Variants in SHOC1 observed in about 807,000 individuals in gnomAD.
SHOC1 encodes protein shortage in chiasmata 1 ortholog.
In SHOC1, 136 loss-of-function variants were observed where a neutral mutation model predicts 179.2. The observed-to-expected ratio is 0.76, with a 90% CI of 0.66 to 0.87. The LOEUF (loss-of-function observed/expected upper bound fraction) is 0.87. Among genes scored for constraint, SHOC1 ranks in the 40% least tolerant of loss-of-function variants. The probability of loss-of-function intolerance (pLI) is 0.00; values close to 1 mark genes in which losing one functional copy is unlikely to be tolerated. For synonymous variants in SHOC1, 489 were observed against 586.6 expected (o/e 0.83, Z 2.41); for missense variants, 1,538 against 1,700.8 (o/e 0.90, Z 1.68).
At position 111,700,049 on chromosome 9, in the gene SHOC1, TA is replaced by T; in HGVS notation, c.3090-3del. 7.1e-7 allele frequency: 1 copy of T among 1,414,296 alleles called. No individual in the cohort carries two copies. The highest frequency in any genetic ancestry group is 9.9e-7 in the Non-Finnish European group (1 of 1,009,428). 87.6% of individuals were successfully genotyped at this position (1,414,296 alleles called of 1,614,324 possible). A position where few individuals can be genotyped will look rare whatever the true frequency, so the allele number is the denominator to read the frequency against. On this transcript the variant is annotated splice_polypyrimidine_tract_variant and splice_region_variant and intron_variant, in intron 23 of 27. Transcript: ENST00000682961. ...AGTGTCTTTTCTGTAAGCAGATACC[TA>T]CAAAGAATTATATTACTATATTTCT...
intron 3 of SHOC1, 182 bp from the exon 4 acceptor site, chr9:111,781,199 C>G: frequency 1.8e-6 from 1 of 565,458 alleles, no homozygotes. Context: ...AACCTACCCC[C>G]GCCCCTCAAT....
intron 24 of SHOC1, among the ~76,000 whole-genome samples, chr9:111,695,424 G>A (rs906351714): frequency 6.6e-6 from 1 of 151,936 alleles, no homozygotes; most frequent in Non-Finnish European, 1.5e-5. Flanking sequence ...AATTCCAAAT[G>A]TACTTTATTG....
In SHOC1 at chr9:111,694,307, T is replaced by C. The variant is rs781156330; in HGVS notation, c.3239A>G (p.Asp1080Gly). 11 of 1,611,850 alleles carry C rather than the reference T, an allele frequency of 6.8e-6. No homozygotes were observed. The South Asian group carries it at 1.2e-4, about 18-fold the overall frequency. ...ATALIIRQIADHSLMTSKRDP... is the reference protein window; with the variant it reads ...ATALIIRQIAGHSLMTSKRDP... Reference sequence around the variant, plus strand: ...TCTCTTTGAGGTCATTAAACTGTGGTCAGCAATTTGTCGAATTATCAAGGC... The same window carrying C: ...TCTCTTTGAGGTCATTAAACTGTGGCCAGCAATTTGTCGAATTATCAAGGC... Residue 1080 changes from aspartate to glycine, a missense_variant, in exon 25 of 28, where the codon GAC (aspartate) becomes GGC (glycine). Coordinates refer to ENST00000682961, the MANE Select transcript of SHOC1 (RefSeq NM_001378211.1).
intron 12 of SHOC1, among the ~76,000 whole-genome samples, chr9:111,735,873 G>A (rs569538973): frequency 1.1e-3 from 167 of 152,186 alleles, no homozygotes; most frequent in African/African-American, 3.8e-3. Flanking sequence ...TTTAATGATC[G>A]CCATTCTAAC....
At chr9:111,750,326 GTCT>G (rs932375565) in intron 8 of SHOC1, among the ~76,000 whole-genome samples, 5 of 151,672 alleles carry the variant, frequency 3.3e-5, no homozygotes, top group Non-Finnish European at 7.4e-5. Context: ...CTGCATGTAC[GTCT>G]TCTTCTTTTT....
rs1834900163 is a variant in SHOC1 at position 111,757,144 on chromosome 9, G to A, written c.709-666C>T. The stretch of plus-strand genomic sequence containing the variant: ...TGTTTTTGAGATGGAGTCTCGCTCT[G>A]TCACCCAGGCTGGAGTGCAGTGGTG... On this transcript the variant is annotated intron_variant, in intron 7 of 27. Coordinates refer to ENST00000682961, the MANE Select transcript of SHOC1 (RefSeq NM_001378211.1). Among the ~76,000 whole-genome samples, 3 of 152,170 alleles carry A rather than the reference G, an allele frequency of 2.0e-5. 1 individual carries two copies. In the South Asian group the frequency reaches 6.2e-4, roughly 32 times the overall value.
chr9:111,754,876 T>C (rs1213141534), intron 8 of SHOC1, among the ~76,000 whole-genome samples: 2 of 152,234 alleles, frequency 1.3e-5, no homozygotes, highest in East Asian at 3.8e-4. Flanking sequence ...TCCTTTTTTA[T>C]TGAATGTTCA....
At chr9:111,703,202 T>A (rs1832066178) in intron 22 of SHOC1, among the ~76,000 whole-genome samples, 1 of 152,214 alleles carries the variant, frequency 6.6e-6, no homozygotes, top group Admixed American at 6.5e-5. Flanking sequence ...CTTAAAAATC[T>A]CTAATAGAGT....
At chr9:111,769,975 G>GTTTTTTTTTTTTTTTTTTTTTTTTTTTTT in intron 5 of SHOC1, among the ~76,000 whole-genome samples, 14 of 87,804 alleles carry the variant, frequency 1.6e-4, no homozygotes, top group Non-Finnish European at 2.0e-4. Context: ...TTTATCTTCT[G>GTTTTTTTTTTTTTTTTTTTTTTTTTTTTT]TTTTTTTTTT....
intron 18 of SHOC1, among the ~76,000 whole-genome samples, chr9:111,709,311 C>T (rs1441786587): frequency 6.6e-6 from 1 of 152,180 alleles, no homozygotes; most frequent in Non-Finnish European, 1.5e-5. Context: ...CATTGCACTC[C>T]AGCCTGGGCA....
At chr9:111,783,243 C>T (rs941217710) in intron 3 of SHOC1, 5 of 152,156 alleles carry the variant, frequency 3.3e-5, no homozygotes, top group Non-Finnish European at 1.5e-5. Flanking sequence ...CAAATTCACT[C>T]TCTCACTTTC....
intron 27 of SHOC1, among the ~76,000 whole-genome samples, chr9:111,688,036 G>C (rs567555586): frequency 6.6e-6 from 1 of 152,240 alleles, no homozygotes; most frequent in East Asian, 1.9e-4. Flanking sequence ...TATTAATGAC[G>C]ACAGGACCTT....
chr9:111,775,640 G>A, intron 5 of SHOC1, 151 bp downstream of exon 5: 2 of 561,254 alleles, frequency 3.6e-6, no homozygotes, highest in Non-Finnish European at 5.9e-6. Context: ...TATGAATGAG[G>A]AAATACTGCC....
At chr9:111,765,279 G>T (rs1489186196) in intron 5 of SHOC1, among the ~76,000 whole-genome samples, 1 of 151,914 alleles carries the variant, frequency 6.6e-6, no homozygotes, top group African/African-American at 2.4e-5. Flanking sequence ...AGATAACAAA[G>T]AATTATACCA....
chr9:111,769,126 C>T (rs1171652123), intron 5 of SHOC1, among the ~76,000 whole-genome samples: 4 of 152,080 alleles, frequency 2.6e-5, no homozygotes, highest in Non-Finnish European at 5.9e-5. Flanking sequence ...GGTGAATGAT[C>T]TTTTTTATGT....
intron 5 of SHOC1, among the ~76,000 whole-genome samples, chr9:111,769,862 A>G (rs1835494064): frequency 6.6e-6 from 1 of 151,978 alleles, no homozygotes; most frequent in African/African-American, 2.4e-5. Flanking sequence ...ATACTTGCTA[A>G]TGATTCTTTG....
At chr9:111,697,175 G>C (rs971505662) in intron 24 of SHOC1, among the ~76,000 whole-genome samples, 6 of 150,648 alleles carry the variant, frequency 4.0e-5, no homozygotes, top group African/African-American at 1.5e-4. Flanking sequence ...GATTGGGGCA[G>C]GTTTCTTTTC....
At chr9:111,722,647 A>G in intron 14 of SHOC1, 62 bp from the exon 15 acceptor site, 3 of 1,381,944 alleles carry the variant, frequency 2.2e-6, no homozygotes, top group South Asian at 1.4e-5. Flanking sequence ...TTTTTGATGA[A>G]CCAATTAAAT....
intron 27 of SHOC1, among the ~76,000 whole-genome samples, chr9:111,690,416 C>T (rs536368370): frequency 6.6e-6 from 1 of 152,064 alleles, no homozygotes; most frequent in Admixed American, 6.6e-5. Context: ...AGAGGGAGAC[C>T]TTGTCTTAAA....
Sources: allele counts gnomAD v4.1 joint callset (sites outside exome capture counted in the v4.1 genomes callset), GRCh38; gene constraint gnomAD v4.1.1; transcripts MANE v1.5; gene names NCBI Gene and HGNC (gene_info 2026-07-23, HGNC 2026-07-21).